Variants in PDPN observed in about 807,000 individuals in gnomAD.
The protein encoded by PDPN is PA2.26 antigen.
PDPN carries 12 observed loss-of-function variants against 23.2 expected under a neutral mutation model. That is an observed-to-expected ratio of 0.52 (90% CI 0.33 to 0.84). The LOEUF (loss-of-function observed/expected upper bound fraction) is 0.84, where lower values mean the gene tolerates loss of function less well. Among genes scored for constraint, PDPN ranks in the 40% least tolerant of loss-of-function variants. The pLI is 0.02. For missense variants in PDPN, 199 were observed against 212.2 expected (o/e 0.94, Z 0.39); for synonymous variants, 77 against 76.7 (o/e 1.00, Z -0.02).
chr1:13,596,669 G>A (rs1268314059), intron 1 of PDPN, among the ~76,000 whole-genome samples: 1 of 152,206 alleles, frequency 6.6e-6, no homozygotes, highest in Non-Finnish European at 1.5e-5. Context: ...TCAGAGTGGT[G>A]TGGCTGTAAG....
intron 1 of PDPN, among the ~76,000 whole-genome samples, chr1:13,601,557 A>G (rs1178072806): frequency 6.6e-6 from 1 of 152,162 alleles, no homozygotes; most frequent in Non-Finnish European, 1.5e-5. Context: ...GCATTTTGCC[A>G]TGTTGGTCAG....
chr1:13,584,000 C>A lies in PDPN; in HGVS notation c.-34C>A. The A allele has an allele frequency of 6.2e-7, 1 of 1,613,542 alleles. No homozygotes were observed. Among genetic ancestry groups the A allele is most frequent in the South Asian group, 1.1e-5 (1 of 91,086 alleles). ...TCCCCCAGCTCAGAATCTTGCTGCT[C>A]GGCCCCCAGGAGAGCAACAACTCAA... On this transcript the variant is annotated 5_prime_UTR_variant, in exon 1 of 6. Coordinates refer to ENST00000621990, the MANE Select transcript of PDPN (RefSeq NM_006474.5).
intron 5 of PDPN, among the ~76,000 whole-genome samples, chr1:13,615,358 TCA>T (rs1641044691): frequency 6.6e-6 from 1 of 151,592 alleles, no homozygotes; most frequent in South Asian, 2.1e-4. Context: ...CGATCTCGGC[TCA>T]CTGCAACCTC....
chr1:13,587,618 C>A (rs745608469), intron 1 of PDPN, among the ~76,000 whole-genome samples: 2 of 152,110 alleles, frequency 1.3e-5, no homozygotes, highest in Non-Finnish European at 2.9e-5. Context: ...AGGGAAGTAC[C>A]CAGTGTGCAC....
At chr1:13,608,366 G>A (rs1438581063) in intron 2 of PDPN, among the ~76,000 whole-genome samples, 1 of 152,184 alleles carries the variant, frequency 6.6e-6, no homozygotes, top group East Asian at 1.9e-4. Context: ...GGGAATCTAT[G>A]ATTTCTTTGG....
chr1:13,605,773 A>C (rs1169820396), intron 1 of PDPN, among the ~76,000 whole-genome samples: 3 of 151,404 alleles, frequency 2.0e-5, no homozygotes, highest in Non-Finnish European at 4.4e-5. Flanking sequence ...CAGGCATGCA[A>C]CCCCATGCCC....
chr1:13,604,573 A>G (rs1640734747), intron 1 of PDPN, among the ~76,000 whole-genome samples: 1 of 151,982 alleles, frequency 6.6e-6, no homozygotes, highest in African/African-American at 2.4e-5. Context: ...GCTTTCTATG[A>G]AAGAATTCAA....
rs184989380 is a variant in PDPN, at chr1:13,593,697, C to T, written c.67+9597C>T. ...TTTTCTCCCTCTTGCAAAATCAGGG[C>T]ATGCTCAGCTGACAGCCATGAGTGA... On this transcript the variant is annotated intron_variant, in intron 1 of 5. Coordinates refer to ENST00000621990, the MANE Select transcript of PDPN (RefSeq NM_006474.5). Among the ~76,000 whole-genome samples, 584 of 152,292 alleles carry T rather than the reference C, an allele frequency of 3.8e-3. 3 individuals are homozygous for T. Among genetic ancestry groups the T allele is most frequent in the African/African-American group, 0.013 (548 of 41,570 alleles).
chr1:13,603,860 T>C (rs1640713228), intron 1 of PDPN, among the ~76,000 whole-genome samples: 1 of 152,144 alleles, frequency 6.6e-6, no homozygotes, highest in African/African-American at 2.4e-5. Context: ...GTGCTGGGAT[T>C]ATAGGTGTGA....
intron 1 of PDPN, among the ~76,000 whole-genome samples, chr1:13,587,402 A>C (rs188834830): frequency 1.3e-5 from 2 of 152,170 alleles, no homozygotes; most frequent in Non-Finnish European, 1.5e-5. Flanking sequence ...CCATCGGCTT[A>C]TCTGAATATT....
In PDPN at chr1:13,586,825, G is replaced by A. The variant is rs1283090002; in HGVS notation, c.67+2725G>A. On this transcript the variant is annotated intron_variant, in intron 1 of 5. Coordinates refer to ENST00000621990, the MANE Select transcript of PDPN (RefSeq NM_006474.5). ...GCTCACGCCTGTGAGGGGCCGAGGC[G>A]GGCGGATCATGAAGTCAGGAGTTCG... 2.7e-5 allele frequency among the ~76,000 whole-genome samples: 4 copies of A among 150,508 alleles called. No homozygotes were observed. In the South Asian group the frequency reaches 6.3e-4, roughly 24 times the overall value.
intron 1 of PDPN, among the ~76,000 whole-genome samples, chr1:13,599,011 C>CTTTGTTTTTTTTTTTTTT (rs1640568534): frequency 7.9e-6 from 1 of 127,076 alleles, no homozygotes; most frequent in Non-Finnish European, 1.7e-5. Context: ...GCCCCCCCTC[C>CTTTGTTTTTTTTTTTTTT]TTTTTTTTTT....
Position 13,616,395 on chromosome 1 carries a change from TG to T in PDPN, c.*486del, listed in dbSNP as rs35443786. The T allele has an allele frequency of 0.26, 43,764 of 168,534 alleles. 6,873 individuals carry two copies. Among genetic ancestry groups the T allele is most frequent in the Admixed American group, 0.4 (7,110 of 17,750 alleles). The allele number at this position is 168,534 out of a possible 1,614,324, so 10.4% of individuals were successfully genotyped here. On this transcript the variant is annotated 3_prime_UTR_variant, in exon 6 of 6. Coordinates refer to ENST00000621990, the MANE Select transcript of PDPN (RefSeq NM_006474.5). ...CTGATCTGCTGAAATGTACACATTC[TG>T]GTCTAGTTTGGTCTATCTTTTAAAG... is the stretch of plus-strand genomic sequence containing the variant.
intron 3 of PDPN, among the ~76,000 whole-genome samples, chr1:13,612,143 G>A (rs1640951521): frequency 6.6e-6 from 1 of 152,016 alleles, no homozygotes; most frequent in Admixed American, 6.6e-5. Context: ...GTGACTGAGT[G>A]CACATTCCTA....
intron 2 of PDPN, 129 bp from the exon 3 acceptor site, chr1:13,610,258 C>T: frequency 1.5e-6 from 1 of 681,292 alleles, no homozygotes; most frequent in Non-Finnish European, 2.5e-6. Context: ...TCATTTTCTT[C>T]TACTTGCAAT....
chr1:13,596,304 A>C (rs7514217), intron 1 of PDPN, among the ~76,000 whole-genome samples: 1 of 151,938 alleles, frequency 6.6e-6, no homozygotes, highest in South Asian at 2.1e-4. Context: ...CTAGGAATCT[A>C]TGGGGCAGTG....
At chr1:13,590,103 C>T (rs1363696188) in intron 1 of PDPN, among the ~76,000 whole-genome samples, 1 of 152,250 alleles carries the variant, frequency 6.6e-6, no homozygotes. Context: ...GCTGGAATTA[C>T]AGGCGTAAGC....
At chr1:13,583,764 C>G (rs1281491967), upstream of PDPN, 1 of 1,493,544 alleles carries the variant, frequency 6.7e-7, no homozygotes, top group African/African-American at 1.4e-5. Context: ...CGGAGACCAC[C>G]TTGCGGCCGA....
intron 1 of PDPN, among the ~76,000 whole-genome samples, chr1:13,585,270 A>G (rs1327252947): frequency 2.0e-5 from 3 of 152,204 alleles, no homozygotes; most frequent in African/African-American, 2.4e-5. Context: ...CTGGCCTCCT[A>G]CAATGGTCCA....
Sources: gnomAD v4.1 joint callset for allele counts (sites outside exome capture counted in the v4.1 genomes callset) on GRCh38, gnomAD v4.1.1 for gene constraint, MANE v1.5 for transcripts, NCBI Gene and HGNC (gene_info 2026-07-23, HGNC 2026-07-21) for gene names.